The following NALCN variants were observed in gnomAD, a reference collection of about 807,000 sequenced individuals.
The protein encoded by NALCN is sodium leak channel NALCN.
In NALCN, 111 loss-of-function variants were observed where a neutral mutation model predicts 225.3. The ratio of observed to expected loss-of-function variants is 0.49; its 90% CI spans 0.42 to 0.58. The LOEUF is 0.58. NALCN is among the 20% of genes least tolerant of loss of function. The pLI, the probability that NALCN is intolerant of heterozygous loss-of-function variation, is 0.00. For missense variants in NALCN, 1,378 were observed against 2,202.4 expected (o/e 0.63, Z 7.49); for synonymous variants, 764 against 769.0 (o/e 0.99, Z 0.11).
intron 7 of NALCN, among the ~76,000 whole-genome samples, chr13:101,339,121 TG>T (rs2045477461): frequency 6.6e-6 from 1 of 152,208 alleles, no homozygotes; most frequent in African/African-American, 2.4e-5. Context: ...GAACTGAAAG[TG>T]GGGTAAGTAT....
intron 13 of NALCN, among the ~76,000 whole-genome samples, chr13:101,211,668 A>C (rs1253493338): frequency 6.7e-6 from 1 of 150,244 alleles, no homozygotes; most frequent in Non-Finnish European, 1.5e-5. Context: ...ATATATATAT[A>C]TCTCATGGTA....
intron 34 of NALCN, among the ~76,000 whole-genome samples, chr13:101,080,056 C>A (rs1170787584): frequency 6.6e-6 from 1 of 152,188 alleles, no homozygotes; most frequent in African/African-American, 2.4e-5. Flanking sequence ...CTTGTATAAT[C>A]TTTCTAGTTC....
intron 7 of NALCN, among the ~76,000 whole-genome samples, chr13:101,341,291 A>T (rs962949382): frequency 1.3e-5 from 2 of 152,314 alleles, no homozygotes; most frequent in African/African-American, 4.8e-5. Flanking sequence ...CTCTTCAAAA[A>T]TATTCAGAAA....
chr13:101,313,831 A>C, intron 7 of NALCN, among the ~76,000 whole-genome samples: 1 of 152,164 alleles, frequency 6.6e-6, no homozygotes, highest in Non-Finnish European at 1.5e-5. Context: ...AAAGGATTAT[A>C]AATCATGCTG....
chr13:101,199,919 C>G lies in NALCN; in HGVS notation c.1627-7865G>C, dbSNP rs537290059. Among the ~76,000 whole-genome samples, 5 of 152,232 alleles carry G rather than the reference C, an allele frequency of 3.3e-5. No individual in the cohort carries two copies. In the East Asian group the frequency reaches 9.7e-4, roughly 29 times the overall value. On this transcript the variant is annotated intron_variant, in intron 13 of 43. Transcript: ENST00000251127. ...GCACTGCACTACAGAGCCACAAAAT[C>G]CAATGCCAGCCCTTTGCATGCTCCT...
intron 1 of NALCN, among the ~76,000 whole-genome samples, chr13:101,406,012 TTAA>T (rs1433827593): frequency 6.6e-6 from 1 of 152,018 alleles, no homozygotes; most frequent in East Asian, 1.9e-4. Flanking sequence ...GCCAGTCTGT[TTAA>T]TAATATCATA....
chr13:101,268,507 T>G (rs1185034144), intron 10 of NALCN, among the ~76,000 whole-genome samples: 1 of 152,104 alleles, frequency 6.6e-6, no homozygotes, highest in Admixed American at 6.6e-5. Flanking sequence ...TTTTCTAAGG[T>G]GTTTAGCTTT....
rs1018443262 is a variant in NALCN, at chr13:101,104,762, T to C, written c.2637-112A>G. 4 of 1,556,512 alleles carry C rather than the reference T, an allele frequency of 2.6e-6. No homozygotes were observed. In the African/African-American group the frequency reaches 5.5e-5, roughly 21 times the overall value. On this transcript the variant is annotated intron_variant, in intron 23 of 43. Coordinates refer to ENST00000251127, the MANE Select transcript of NALCN (RefSeq NM_052867.4). This position sits in a 1 kb window ranked among gnomAD's most constrained non-coding sequence, Gnocchi z 4.2. ...CAACATGACTGGTATTTTAAAAACA[T>C]CATTCCCCAATCATCTATTTCATAG... is the stretch of plus-strand genomic sequence containing the variant.
chr13:101,152,054 C>T (rs908122919), intron 15 of NALCN, among the ~76,000 whole-genome samples: 25 of 152,150 alleles, frequency 1.6e-4, no homozygotes, highest in African/African-American at 4.8e-4. Flanking sequence ...AATTTTTCCC[C>T]GTTTTACAAA....
At chr13:101,273,671 G>T (rs1002282284) in intron 10 of NALCN, among the ~76,000 whole-genome samples, 3 of 152,040 alleles carry the variant, frequency 2.0e-5, no homozygotes, top group Non-Finnish European at 4.4e-5. Context: ...GCAATCTACA[G>T]TCAGGAGATC....
chr13:101,177,113 T>C (rs1460941230), intron 14 of NALCN, among the ~76,000 whole-genome samples: 1 of 152,128 alleles, frequency 6.6e-6, no homozygotes, highest in African/African-American at 2.4e-5. Flanking sequence ...AACTGAGGCC[T>C]CCTGCCAACA....
intron 11 of NALCN, among the ~76,000 whole-genome samples, chr13:101,251,807 A>G (rs1775914217): frequency 6.6e-6 from 1 of 152,152 alleles, no homozygotes; most frequent in African/African-American, 2.4e-5. Flanking sequence ...TTCATCAATA[A>G]TCTGTTTTAG....
chr13:101,369,085 C>T (rs2046463530), intron 6 of NALCN: 1 of 290,602 alleles, frequency 3.4e-6, no homozygotes, highest in Non-Finnish European at 6.9e-6. Context: ...TGATTATGAG[C>T]AACATTACTA....
rs868484805 is a variant in NALCN, at chr13:101,249,075, A to T, written c.1266+9368T>A. ...AGTTTGGTCTAAAATCCAGGTAGTT[A>T]GCATCAGAAGTCATTTACTTCTATA... On this transcript the variant is annotated intron_variant, in intron 11 of 43. Transcript: ENST00000251127. Among the ~76,000 whole-genome samples the T allele has an allele frequency of 2.6e-5, 4 of 152,186 alleles. 1 individual carries two copies. The highest frequency in any genetic ancestry group is 4.1e-4 in the South Asian group (2 of 4,836).
At chr13:101,334,184 GCACA>G (rs58928750) in intron 7 of NALCN, among the ~76,000 whole-genome samples, 10 of 151,022 alleles carry the variant, frequency 6.6e-5, no homozygotes, top group South Asian at 2.1e-4. Context: ...ACGCACGTGT[GCACA>G]CACACACACA....
chr13:101,175,439 C>T (rs963766414), intron 15 of NALCN, among the ~76,000 whole-genome samples: 1 of 151,998 alleles, frequency 6.6e-6, no homozygotes, highest in Non-Finnish European at 1.5e-5. Context: ...ATATGGAGGG[C>T]CTGCTTATAA....
At chr13:101,117,372 C>G (rs2035769009) in intron 18 of NALCN, among the ~76,000 whole-genome samples, 1 of 152,188 alleles carries the variant, frequency 6.6e-6, no homozygotes, top group Admixed American at 6.5e-5. Context: ...AATTTAGTAA[C>G]CCAACTACTG....
intron 11 of NALCN, among the ~76,000 whole-genome samples, chr13:101,239,982 G>C (rs1416503547): frequency 6.6e-6 from 1 of 151,844 alleles, no homozygotes; most frequent in Non-Finnish European, 1.5e-5. Flanking sequence ...AAATGTTACT[G>C]TCCGTAACCT....
intron 7 of NALCN, among the ~76,000 whole-genome samples, chr13:101,299,833 T>A (rs1050493810): frequency 6.6e-6 from 1 of 152,104 alleles, no homozygotes; most frequent in Non-Finnish European, 1.5e-5. Flanking sequence ...TTTAGCCACA[T>A]ATTAAAAAAA....
Sources: gnomAD v4.1 joint callset for allele counts (sites outside exome capture counted in the v4.1 genomes callset) on GRCh38, gnomAD v4.1.1 for gene constraint, Gnocchi (gnomAD v3.1) non-coding constraint, MANE v1.5 for transcripts, NCBI Gene and HGNC (gene_info 2026-07-23, HGNC 2026-07-21) for gene names.